Variants in AFAP1 observed in about 807,000 individuals in gnomAD.
AFAP1 encodes actin filament-associated protein 1.
AFAP1 carries 75 observed loss-of-function variants against 93.9 expected under a neutral mutation model. The ratio of observed to expected loss-of-function variants is 0.80; its 90% confidence interval spans 0.66 to 0.97. The LOEUF (loss-of-function observed/expected upper bound fraction) is 0.97. Among genes scored for constraint, AFAP1 ranks in the 50% least tolerant of loss-of-function variants. AFAP1 has a pLI of 0.00. For synonymous variants in AFAP1, 517 were observed against 430.7 expected (o/e 1.20, Z -2.48); for missense variants, 1,201 against 1,050.8 (o/e 1.14, Z -1.98).
At chr4:7,831,870 G>A (rs530822685) in intron 6 of AFAP1, among the ~76,000 whole-genome samples, 6 of 152,264 alleles carry the variant, frequency 3.9e-5, no homozygotes, top group East Asian at 3.9e-4. Context: ...CATAATTGTC[G>A]TTCCCTCCTT....
rs762414537 is a variant in AFAP1 at position 7,786,176 on chromosome 4, C to CA, written c.1530+17dup. 20 of 1,606,826 alleles carry CA rather than the reference C, an allele frequency of 1.2e-5. 1 individual carries two copies. The South Asian group carries it at 2.0e-4, about 16-fold the overall frequency. On this transcript the variant is annotated intron_variant, in intron 12 of 17. Coordinates refer to ENST00000420658, the MANE Select transcript of AFAP1 (RefSeq NM_001134647.2). ...CCTCTAACAAAACCAACCATTACTC[C>CA]AAAAAAAGGGCACTCACCGAGCCGT...
chr4:7,771,599 G>A (rs1257830143), intron 16 of AFAP1, among the ~76,000 whole-genome samples: 3 of 152,254 alleles, frequency 2.0e-5, no homozygotes, highest in East Asian at 3.9e-4. Flanking sequence ...TGCCAAAAGC[G>A]TCCACACACA....
At chr4:7,771,545 G>C (rs1715441598) in intron 16 of AFAP1, among the ~76,000 whole-genome samples, 1 of 152,182 alleles carries the variant, frequency 6.6e-6, no homozygotes, top group East Asian at 1.9e-4. Flanking sequence ...TGTTTGGGAA[G>C]ATGTGAATGA....
chr4:7,809,035 C>G (rs894116648), intron 9 of AFAP1, among the ~76,000 whole-genome samples: 1 of 149,698 alleles, frequency 6.7e-6, no homozygotes. Context: ...CTAACAGTGA[C>G]GTGATAAGGA....
intron 5 of AFAP1, among the ~76,000 whole-genome samples, chr4:7,842,301 C>CAAAAAAAAA (rs57050150): frequency 1.5e-3 from 140 of 94,816 alleles, no homozygotes; most frequent in Non-Finnish European, 1.7e-3. Context: ...CCTGGATTTA[C>CAAAAAAAAA]AAAAAAAAAA....
At chr4:7,782,166 C>T (rs1167536525) in intron 12 of AFAP1, among the ~76,000 whole-genome samples, 2 of 152,310 alleles carry the variant, frequency 1.3e-5, no homozygotes, top group African/African-American at 4.8e-5. Flanking sequence ...GTCTCACAGT[C>T]ATCCGGGGAA....
intron 4 of AFAP1, among the ~76,000 whole-genome samples, chr4:7,847,764 G>A (rs1449498532): frequency 7.2e-6 from 1 of 139,722 alleles, no homozygotes; most frequent in East Asian, 2.7e-4. Context: ...ACAGAGAGAG[G>A]AACAGGAAGG....
At chr4:7,846,149 C>T (rs1317303747) in intron 4 of AFAP1, among the ~76,000 whole-genome samples, 2 of 152,214 alleles carry the variant, frequency 1.3e-5, no homozygotes, top group Admixed American at 6.5e-5. Flanking sequence ...GGCCACAAAA[C>T]GACGTCCGTG....
chr4:7,770,327 G>A (rs557455477), intron 16 of AFAP1, among the ~76,000 whole-genome samples: 6 of 152,324 alleles, frequency 3.9e-5, no homozygotes, highest in Admixed American at 3.3e-4. Context: ...AAGAGAGTGG[G>A]CAGCTGTGCC....
At chr4:7,937,932 A>C (rs1577375003) in intron 1 of AFAP1, among the ~76,000 whole-genome samples, 1 of 152,230 alleles carries the variant, frequency 6.6e-6, no homozygotes, top group African/African-American at 2.4e-5. Flanking sequence ...GTATTGAAAA[A>C]GGAGCTCGCA....
intron 9 of AFAP1, among the ~76,000 whole-genome samples, chr4:7,801,932 A>AC (rs1719078532): frequency 6.6e-6 from 1 of 150,836 alleles, no homozygotes; most frequent in African/African-American, 2.4e-5. Flanking sequence ...AAAAAAAAAA[A>AC]AAAAAAAAAA....
At chr4:7,769,439 C>A (rs1252560247) in intron 16 of AFAP1, among the ~76,000 whole-genome samples, 1 of 152,226 alleles carries the variant, frequency 6.6e-6, no homozygotes, top group Non-Finnish European at 1.5e-5. Context: ...CACGGCAGCA[C>A]TGGCTAACGG....
At chr4:7,926,335 G>A (rs980903708) in intron 1 of AFAP1, among the ~76,000 whole-genome samples, 1 of 152,104 alleles carries the variant, frequency 6.6e-6, no homozygotes, top group Non-Finnish European at 1.5e-5. Context: ...ACTTTAATCC[G>A]TAACGCAGTT....
At chr4:7,770,954 C>A (rs537880807) in intron 16 of AFAP1, among the ~76,000 whole-genome samples, 125 of 152,354 alleles carry the variant, frequency 8.2e-4, no homozygotes, top group African/African-American at 2.8e-3. Flanking sequence ...GCCACTCTCA[C>A]TGCACCTGAC....
chr4:7,774,616 A>G, intron 15 of AFAP1, 123 bp downstream of exon 15: 1 of 1,360,450 alleles, frequency 7.4e-7, no homozygotes, highest in Non-Finnish European at 9.9e-7. Context: ...CTGTGAGATA[A>G]CCCACTCTTA....
At chr4:7,863,513 G>A (rs963231402) in intron 3 of AFAP1, among the ~76,000 whole-genome samples, 2 of 152,182 alleles carry the variant, frequency 1.3e-5, no homozygotes, top group South Asian at 2.1e-4. Context: ...TAGCCTATCC[G>A]AGTCTCCCCT....
intron 7 of AFAP1, 101 bp from the exon 8 acceptor site, chr4:7,816,200 C>T: frequency 1.0e-6 from 1 of 995,574 alleles, no homozygotes; most frequent in East Asian, 2.5e-5. Context: ...AAAGAAAACA[C>T]AGGCCAAATT....
intron 9 of AFAP1, among the ~76,000 whole-genome samples, chr4:7,801,284 G>T (rs560312757): frequency 1.3e-5 from 2 of 152,134 alleles, no homozygotes; most frequent in African/African-American, 4.8e-5. Flanking sequence ...ACTGCAAAGC[G>T]ACGGGTGAAG....
chr4:7,910,016 T>A (rs1448931144), intron 1 of AFAP1, among the ~76,000 whole-genome samples: 1 of 152,164 alleles, frequency 6.6e-6, no homozygotes, highest in Non-Finnish European at 1.5e-5. Context: ...TTTATTCCAG[T>A]CCAAACCAAA....
Sources: allele counts gnomAD v4.1 joint callset (sites outside exome capture counted in the v4.1 genomes callset), GRCh38; gene constraint gnomAD v4.1.1; transcripts MANE v1.5; gene names NCBI Gene and HGNC (gene_info 2026-07-23, HGNC 2026-07-21).